Variants in CAPN13 observed in about 807,000 individuals in gnomAD.
The protein encoded by CAPN13 is calpain-13.
A neutral mutation model predicts 98.4 loss-of-function variants in CAPN13; 90 were observed. The ratio of observed to expected loss-of-function variants is 0.92; its 90% CI spans 0.77 to 1.09. CAPN13 has a LOEUF of 1.09. Ranked by LOEUF, CAPN13 falls within the 50% of genes least tolerant of loss-of-function variation. The probability of loss-of-function intolerance (pLI) is 0.00; values close to 1 mark genes in which losing one functional copy is unlikely to be tolerated. For synonymous variants in CAPN13, 330 were observed against 305.5 expected, an observed-to-expected ratio of 1.08 and a Z score of -0.84; for missense variants, 887 against 841.3, an observed-to-expected ratio of 1.05 and a Z score of -0.67.
At chr2:30,759,252 T>G (rs542454) in intron 7 of CAPN13, among the ~76,000 whole-genome samples, 108,421 of 150,438 alleles carry the variant, frequency 0.72, 39,559 homozygotes, top group Non-Finnish European at 0.79. Flanking sequence ...CCTCCTTCCT[T>G]TCTTTTCTTC....
intron 22 of CAPN13, 122 bp downstream of exon 22, chr2:30,730,608 A>C: frequency 3.2e-6 from 2 of 629,128 alleles, no homozygotes; most frequent in Non-Finnish European, 5.8e-6. Context: ...TGGTTCACTT[A>C]TGTAAGGGTC....
Position 30,787,249 on chromosome 2 carries a change from T to A in CAPN13, c.77A>T (p.Asp26Val), listed in dbSNP as rs1339294833. 6.2e-7 allele frequency: 1 copy of A among 1,613,088 alleles called. No individual in the cohort carries two copies. The highest frequency in any genetic ancestry group is 2.2e-5 in the East Asian group (1 of 44,862). Residue 26 changes from aspartate (D) to valine (V), a missense_variant, in exon 2 of 23, where the codon GAT becomes GTT. By Grantham distance (152) the Asp-to-Val change is radical. Coordinates refer to ENST00000295055, the MANE Select transcript of CAPN13 (RefSeq NM_144575.3). ...CGTCCGGCCCATGCTCAGGCAGTGA[T>A]CCCGCAAGGTGGTAAAGTCCTGGTC... ...FKDQDFTTLR[D>V]HCLSMGRTFK...
intron 6 of CAPN13, among the ~76,000 whole-genome samples, chr2:30,763,726 G>C (rs957859661): frequency 1.3e-5 from 2 of 152,214 alleles, no homozygotes; most frequent in Admixed American, 6.5e-5. Context: ...GCATCAGAGG[G>C]CCCTGGGGGG....
intron 20 of CAPN13, among the ~76,000 whole-genome samples, chr2:30,732,012 T>C (rs1671123043): frequency 6.6e-6 from 1 of 152,056 alleles, no homozygotes; most frequent in South Asian, 2.1e-4. Context: ...TGCTAAAAAG[T>C]GTGGAAACTT....
intron 1 of CAPN13, among the ~76,000 whole-genome samples, chr2:30,799,399 A>G (rs1429536339): frequency 6.6e-6 from 1 of 152,224 alleles, no homozygotes; most frequent in Admixed American, 6.5e-5. Context: ...GAATCATCTC[A>G]GTAAGTCTCC....
chr2:30,799,716 C>T (rs1190031813), intron 1 of CAPN13, among the ~76,000 whole-genome samples: 4 of 152,134 alleles, frequency 2.6e-5, no homozygotes, highest in African/African-American at 7.2e-5. Flanking sequence ...TCTGATCCAC[C>T]GAGGGCCAGG....
At chr2:30,749,639 C>T (rs1408340127) in intron 11 of CAPN13, among the ~76,000 whole-genome samples, 1 of 152,228 alleles carries the variant, frequency 6.6e-6, no homozygotes, top group African/African-American at 2.4e-5. Context: ...GTGTGTTTGA[C>T]TGAAGGTTTG....
chr2:30,754,243 T>G (rs1269565186), intron 9 of CAPN13, 47 bp downstream of exon 9: 1 of 1,455,580 alleles, frequency 6.9e-7, no homozygotes, highest in Admixed American at 2.1e-5. Flanking sequence ...ATTGAAGACT[T>G]GGGCAATAAA....
intron 7 of CAPN13, among the ~76,000 whole-genome samples, chr2:30,761,717 C>A (rs142211073): frequency 6.6e-6 from 1 of 152,288 alleles, no homozygotes; most frequent in East Asian, 1.9e-4. Context: ...GTGCTGAGGT[C>A]AATTTTGGAC....
At chr2:30,733,678 A>G (rs564953582) in intron 19 of CAPN13, among the ~76,000 whole-genome samples, 1 of 152,260 alleles carries the variant, frequency 6.6e-6, no homozygotes, top group Admixed American at 6.5e-5. Flanking sequence ...GATCCAGGCT[A>G]CAGGTGGGGG....
chr2:30,804,731 C>T (rs561724674), intron 1 of CAPN13, among the ~76,000 whole-genome samples: 18 of 152,168 alleles, frequency 1.2e-4, no homozygotes, highest in Non-Finnish European at 2.4e-4. Context: ...TGGCCGTGGA[C>T]TTCCTTGCTG....
chr2:30,736,305 G>A (rs984722974), intron 18 of CAPN13, among the ~76,000 whole-genome samples, 198 bp downstream of exon 18: 2 of 152,140 alleles, frequency 1.3e-5, no homozygotes, highest in African/African-American at 4.8e-5. Context: ...CCCTCATTCC[G>A]CCACCTAATT....
chr2:30,769,204 C>T (rs17010231), intron 5 of CAPN13, among the ~76,000 whole-genome samples: 13,094 of 152,156 alleles, frequency 0.086, 1,282 homozygotes, highest in East Asian at 0.43. Flanking sequence ...CAGTCAAGAA[C>T]ATCCTCAGAT....
intron 1 of CAPN13, among the ~76,000 whole-genome samples, chr2:30,804,979 G>C (rs543034838): frequency 8.3e-4 from 127 of 152,264 alleles, no homozygotes; most frequent in African/African-American, 2.9e-3. Context: ...GCCATCTCAG[G>C]TTCTCTTAGC....
chr2:30,734,312 C>A, intron 19 of CAPN13, 137 bp downstream of exon 19: 1 of 673,710 alleles, frequency 1.5e-6, no homozygotes, highest in Non-Finnish European at 2.6e-6. Context: ...TCAGTGTGAA[C>A]TGGGGAGGAC....
At chr2:30,767,471 C>A (rs773249509) in intron 5 of CAPN13, among the ~76,000 whole-genome samples, 1 of 152,174 alleles carries the variant, frequency 6.6e-6, no homozygotes, top group Non-Finnish European at 1.5e-5. Context: ...TGTCCTTCTG[C>A]AAGATTTCTA....
chr2:30,759,349 G>C (rs1374404565), intron 7 of CAPN13, among the ~76,000 whole-genome samples: 2 of 152,164 alleles, frequency 1.3e-5, no homozygotes, highest in Non-Finnish European at 2.9e-5. Context: ...TAAGCCAGAG[G>C]GCAGGACTGT....
intron 1 of CAPN13, among the ~76,000 whole-genome samples, chr2:30,798,459 G>A (rs1225339451): frequency 6.6e-6 from 1 of 152,190 alleles, no homozygotes; most frequent in African/African-American, 2.4e-5. Flanking sequence ...AAACCACTCA[G>A]TGACTTTCTG....
At chr2:30,784,797 T>A (rs1042691092) in intron 2 of CAPN13, among the ~76,000 whole-genome samples, 3 of 152,194 alleles carry the variant, frequency 2.0e-5, no homozygotes, top group Non-Finnish European at 1.5e-5. Context: ...GCTTCTCAGC[T>A]GCAAAATGAG....
Sources: allele counts gnomAD v4.1 joint callset (sites outside exome capture counted in the v4.1 genomes callset), GRCh38; gene constraint gnomAD v4.1.1; transcripts MANE v1.5; gene names NCBI Gene and HGNC (gene_info 2026-07-23, HGNC 2026-07-21).